SLC7A8: variants seen among roughly 807,000 people sequenced by gnomAD.
SLC7A8 encodes the protein solute carrier family 7 member 8.
In SLC7A8, 30 loss-of-function variants were observed where a neutral mutation model predicts 51.2. The ratio of observed to expected loss-of-function variants is 0.59; its 90% CI spans 0.44 to 0.80. The LOEUF (loss-of-function observed/expected upper bound fraction) is 0.80, where lower values mean the gene tolerates loss of function less well. SLC7A8 is among the 30% of genes least tolerant of loss of function. The pLI is 0.00. For synonymous variants in SLC7A8, 257 were observed against 275.8 expected (o/e 0.93, Z 0.67); for missense variants, 612 against 674.4 (o/e 0.91, Z 1.03).
intron 3 of SLC7A8, chr14:23,155,395 T>G (rs993135957): frequency 1.3e-6 from 2 of 1,484,058 alleles, no homozygotes; most frequent in African/African-American, 2.8e-5. Context: ...TCTCTTCCCC[T>G]TCCTTCTTAT....
chr14:23,175,471 A>T (rs956405105), intron 1 of SLC7A8, among the ~76,000 whole-genome samples: 4 of 152,166 alleles, frequency 2.6e-5, no homozygotes, highest in Non-Finnish European at 5.9e-5. Flanking sequence ...GGCCTCCCAA[A>T]GTGCTGGGAT....
At chr14:23,164,692 A>G (rs574592173) in intron 3 of SLC7A8, among the ~76,000 whole-genome samples, 62 of 152,210 alleles carry the variant, frequency 4.1e-4, no homozygotes, top group Admixed American at 9.8e-4. Context: ...AAGAAAAGTA[A>G]TGGGGAAAAG....
At chr14:23,139,337 A>G in intron 6 of SLC7A8, 87 bp downstream of exon 6, 11 of 1,591,114 alleles carry the variant, frequency 6.9e-6, no homozygotes, top group Admixed American at 6.7e-5. Flanking sequence ...CCACAAGGCC[A>G]TGGATCAGGG....
chr14:23,126,921 C>A lies in SLC7A8; in HGVS notation c.*256G>T. ...CCTGCAGGGCACCTTGGCATCTCCC[C>A]TCTCCTCCAGCAGCTGGGAGTGTGG... On this transcript the variant is annotated 3_prime_UTR_variant, in exon 11 of 11. Transcript: ENST00000316902. 1.9e-6 allele frequency: 1 copy of A among 524,478 alleles called. No homozygotes were observed. Among genetic ancestry groups the A allele is most frequent in the Non-Finnish European group, 3.4e-6 (1 of 292,790 alleles). The allele number at this position is 524,478 out of a possible 1,614,324, so 32.5% of individuals were successfully genotyped here. A position where few individuals can be genotyped will look rare whatever the true frequency, so the allele number is the denominator to read the frequency against.
chr14:23,168,190 T>TC (rs1260673195), intron 1 of SLC7A8, among the ~76,000 whole-genome samples: 2 of 152,204 alleles, frequency 1.3e-5, no homozygotes, highest in Admixed American at 6.5e-5. Flanking sequence ...TACAGACTTT[T>TC]CCTCTTCTTG....
intron 3 of SLC7A8, among the ~76,000 whole-genome samples, chr14:23,158,614 G>A (rs1003066341): frequency 2.0e-5 from 3 of 152,244 alleles, no homozygotes; most frequent in African/African-American, 7.2e-5. Flanking sequence ...AAAGTGCTGG[G>A]ATTACAGGCG....
At chr14:23,141,740 C>T (rs1263207186) in intron 4 of SLC7A8, among the ~76,000 whole-genome samples, 1 of 152,222 alleles carries the variant, frequency 6.6e-6, no homozygotes, top group Non-Finnish European at 1.5e-5. Flanking sequence ...AGGCGTAAGC[C>T]ACCATGCCTG....
At chr14:23,143,266 G>A (rs1338819702) in intron 3 of SLC7A8, 62 bp from the exon 4 acceptor site, 1 of 1,598,848 alleles carries the variant, frequency 6.3e-7, no homozygotes, top group Non-Finnish European at 8.5e-7. Context: ...GATGCCCAAG[G>A]CACACAAGCA....
At chr14:23,156,662 G>T (rs967747891) in intron 3 of SLC7A8, among the ~76,000 whole-genome samples, 4 of 152,198 alleles carry the variant, frequency 2.6e-5, no homozygotes, top group Admixed American at 2.0e-4. Flanking sequence ...AAAGGCCAGA[G>T]AATTTAAGTT....
At position 23,180,284 on chromosome 14, in the gene SLC7A8, G is replaced by A. The variant is rs188449851; in HGVS notation, c.151+2480C>T. On this transcript the variant is annotated intron_variant, in intron 1 of 10. Transcript: ENST00000316902. ...GATCCCTGAAATCTACACAGAAAAT[G>A]CCATTTCTATTTTTGCATTTGGTCT... Among the ~76,000 whole-genome samples, 310 of 152,178 alleles carry A rather than the reference G, an allele frequency of 2.0e-3. 2 individuals are homozygous for A. Among genetic ancestry groups the A allele is most frequent in the Admixed American group, 4.6e-3 (71 of 15,280 alleles).
chr14:23,131,511 C>T lies in SLC7A8; in HGVS notation c.1063G>A (p.Ala355Thr), dbSNP rs964818385. ...AREGHLPSVL[A>T]MIHVKRCTPI... is the part of the protein sequence containing the mutation. ...GTGCAGCGCTTCACGTGGATCATGG[C>T]CAACACACTGGGAAGGTGGCCCTCT... Residue 355 changes from alanine to threonine, a missense_variant, in exon 8 of 11, where the codon GCC becomes ACC. Coordinates refer to ENST00000316902, the MANE Select transcript of SLC7A8 (RefSeq NM_012244.4). 1.2e-6 allele frequency: 2 copies of T among 1,609,352 alleles called. No individual in the cohort carries two copies. The highest frequency in any genetic ancestry group is 2.2e-5 in the South Asian group (2 of 90,410).
At chr14:23,149,189 C>T (rs1292723056) in intron 3 of SLC7A8, among the ~76,000 whole-genome samples, 2 of 152,222 alleles carry the variant, frequency 1.3e-5, no homozygotes, top group African/African-American at 2.4e-5. Context: ...GATCCCACAG[C>T]TAGAGTGTTC....
At chr14:23,161,278 C>T (rs1044989146) in intron 3 of SLC7A8, among the ~76,000 whole-genome samples, 11 of 152,050 alleles carry the variant, frequency 7.2e-5, no homozygotes, top group Middle Eastern at 3.2e-3. Flanking sequence ...TCTCCTCCCT[C>T]CCCCAGCAAA....
At position 23,159,473 on chromosome 14, in the gene SLC7A8, C is replaced by T. The variant is rs149930506; in HGVS notation, c.508+5812G>A. Among the ~76,000 whole-genome samples the T allele has an allele frequency of 4.6e-3, 701 of 152,294 alleles. 7 individuals carry two copies. Among genetic ancestry groups the T allele is most frequent in the African/African-American group, 0.016 (663 of 41,550 alleles). ...ATATAAACGAGGCTGATCGGATACC[C>T]GAAGAACTCTCTGGGGACTAGGGAA... On this transcript the variant is annotated intron_variant, in intron 3 of 10. Transcript: ENST00000316902.
intron 3 of SLC7A8, chr14:23,155,037 C>A: frequency 5.2e-6 from 3 of 578,880 alleles, no homozygotes; most frequent in Admixed American, 3.9e-5. Flanking sequence ...AGCCCTTCCT[C>A]ATAAACTGCG....
chr14:23,174,513 T>C (rs1043632438), intron 1 of SLC7A8, among the ~76,000 whole-genome samples: 1 of 152,256 alleles, frequency 6.6e-6, no homozygotes, highest in Non-Finnish European at 1.5e-5. Context: ...AGATGAGGGA[T>C]GAGATGTGAT....
rs1035358683 is a variant in SLC7A8 at position 23,165,330 on chromosome 14, A to G, written c.463T>C (p.Phe155Leu). ...AGCCGAAGGCCAGACTCTGGGGGGAAGCAGGTGGGGAAGAGCGGCTGCAGC... is the reference window on the plus strand; with the variant it reads ...AGCCGAAGGCCAGACTCTGGGGGGAGGCAGGTGGGGAAGAGCGGCTGCAGC... ...YVLQPLFPTC[F>L]PPESGLRLLA... The change falls in exon 3 of 11, where the codon TTC becomes CTC. Residue 155 changes from phenylalanine to leucine, a missense_variant. By Grantham distance (22) the Phe-to-Leu change is conservative. Coordinates refer to ENST00000316902, the MANE Select transcript of SLC7A8 (RefSeq NM_012244.4). The surrounding 1 kb of genome is among the most constrained non-coding windows in gnomAD (Gnocchi z 4.2). 13 of 1,607,522 alleles carry G rather than the reference A, an allele frequency of 8.1e-6. No homozygotes were observed. Among genetic ancestry groups the G allele is most frequent in the East Asian group, 2.3e-5 (1 of 44,018 alleles).
intron 1 of SLC7A8, 48 bp downstream of exon 1, chr14:23,182,716 G>A (rs753776976): frequency 1.3e-6 from 2 of 1,505,680 alleles, no homozygotes; most frequent in East Asian, 2.3e-5. Flanking sequence ...CTCACAGGAG[G>A]ACCACCAGAG....
chr14:23,154,725 TC>T (rs2048877384), intron 3 of SLC7A8, among the ~76,000 whole-genome samples: 1 of 152,088 alleles, frequency 6.6e-6, no homozygotes, highest in Non-Finnish European at 1.5e-5. Context: ...CAGTCTTTCC[TC>T]GTCAAAGACC....
Sources: gnomAD v4.1 joint callset for allele counts (sites outside exome capture counted in the v4.1 genomes callset) on GRCh38, gnomAD v4.1.1 for gene constraint, Gnocchi (gnomAD v3.1) non-coding constraint, MANE v1.5 for transcripts, NCBI Gene and HGNC (gene_info 2026-07-23, HGNC 2026-07-21) for gene names.